CEP85L: variants seen among roughly 807,000 people sequenced by gnomAD.
CEP85L encodes centrosomal protein 85L.
Under a neutral mutation model 100.3 loss-of-function variants are expected in CEP85L, and 60 were observed. The observed-to-expected ratio is 0.60, with a 90% CI of 0.49 to 0.74. The LOEUF (loss-of-function observed/expected upper bound fraction) is 0.74. CEP85L is among the 30% of genes least tolerant of loss of function. The pLI is 0.00. For missense variants in CEP85L, 973 were observed against 936.2 expected (o/e 1.04, Z -0.51); for synonymous variants, 319 against 322.7 (o/e 0.99, Z 0.12).
chr6:118,462,047 T>C lies in CEP85L; in HGVS notation c.*3358A>G, dbSNP rs1364157843. ...CATCCTCTAAGAAATTAATAATTCT[T>C]GCACTATGAAAGAATTACTTTATAA... On this transcript the variant is annotated 3_prime_UTR_variant, in exon 13 of 13. Coordinates refer to ENST00000368491, the MANE Select transcript of CEP85L (RefSeq NM_001042475.3). The C allele has an allele frequency of 6.6e-6, 1 of 152,038 alleles. No homozygotes were observed. The highest frequency in any genetic ancestry group is 1.5e-5 in the Non-Finnish European group (1 of 67,908). 9.4% of individuals were successfully genotyped at this position (152,038 alleles called of 1,614,324 possible).
At chr6:118,497,809 G>A (rs565468617) in intron 5 of CEP85L, among the ~76,000 whole-genome samples, 11 of 152,216 alleles carry the variant, frequency 7.2e-5, no homozygotes, top group Admixed American at 1.3e-4. Flanking sequence ...CAAGAGCATC[G>A]GAAAAGGAAT....
intron 2 of CEP85L, among the ~76,000 whole-genome samples, chr6:118,587,571 C>G (rs540574823): frequency 6.6e-6 from 1 of 152,176 alleles, no homozygotes; most frequent in African/African-American, 2.4e-5. Context: ...ACCAACTTGA[C>G]TATAATGTAA....
At chr6:118,556,136 A>G (rs1407652603) in intron 3 of CEP85L, among the ~76,000 whole-genome samples, 1 of 152,184 alleles carries the variant, frequency 6.6e-6, no homozygotes, top group Non-Finnish European at 1.5e-5. Flanking sequence ...TTTACGGCAG[A>G]AAGATTTACA....
At chr6:118,480,793 C>T (rs1335029635) in intron 8 of CEP85L, among the ~76,000 whole-genome samples, 1 of 152,018 alleles carries the variant, frequency 6.6e-6, no homozygotes, top group Non-Finnish European at 1.5e-5. Context: ...CGATGAAGTC[C>T]TTCATTACCC....
chr6:118,479,817 T>C, intron 10 of CEP85L, 54 bp downstream of exon 10: 1 of 853,980 alleles, frequency 1.2e-6, no homozygotes, highest in Middle Eastern at 2.2e-4. Flanking sequence ...TAAATAAGCA[T>C]TAAGAGTATA....
intron 1 of CEP85L, among the ~76,000 whole-genome samples, chr6:118,638,181 GC>G (rs1774631992): frequency 1.3e-5 from 2 of 151,148 alleles, no homozygotes. Flanking sequence ...TTCGAGACCA[GC>G]CTGGGCAACA....
In CEP85L at chr6:118,635,581, AT is replaced by A. The variant is rs564865731; in HGVS notation, c.74-2971del. On this transcript the variant is annotated intron_variant, in intron 1 of 12. Coordinates refer to ENST00000368491, the MANE Select transcript of CEP85L (RefSeq NM_001042475.3). Reference sequence around the variant, plus strand: ...ATACTGATTTGCAGATTACATCAACATTTGATTCTGAGATTAGAAACCAGCT... The same window carrying A: ...ATACTGATTTGCAGATTACATCAACATTGATTCTGAGATTAGAAACCAGCT... Among the ~76,000 whole-genome samples the A allele has an allele frequency of 2.8e-3, 428 of 152,358 alleles. 1 individual carries two copies. The highest frequency in any genetic ancestry group is 4.2e-3 in the Non-Finnish European group (284 of 68,030).
At chr6:118,694,847 C>A (rs1321847781) in intron 1 of CEP85L, among the ~76,000 whole-genome samples, 1 of 152,184 alleles carries the variant, frequency 6.6e-6, no homozygotes, top group Admixed American at 6.5e-5. Context: ...ATTTCACCAG[C>A]CATCCCATGT....
chr6:118,642,733 G>C (rs1353533051), intron 1 of CEP85L, among the ~76,000 whole-genome samples: 2 of 151,990 alleles, frequency 1.3e-5, no homozygotes, highest in Non-Finnish European at 1.5e-5. Flanking sequence ...GGCCAACACG[G>C]TGAAACCCTG....
chr6:118,535,720 G>C (rs1287727404), intron 3 of CEP85L, among the ~76,000 whole-genome samples: 1 of 152,088 alleles, frequency 6.6e-6, no homozygotes, highest in Non-Finnish European at 1.5e-5. Flanking sequence ...CCAACTCTCA[G>C]TATCGCAGTA....
chr6:118,592,661 G>C (rs980735160), intron 2 of CEP85L, among the ~76,000 whole-genome samples: 1 of 151,920 alleles, frequency 6.6e-6, no homozygotes, highest in African/African-American at 2.4e-5. Flanking sequence ...TATATAAAAT[G>C]GGTTTATAAT....
chr6:118,695,239 T>C (rs903687077), intron 1 of CEP85L, among the ~76,000 whole-genome samples: 3 of 152,260 alleles, frequency 2.0e-5, no homozygotes, highest in Non-Finnish European at 4.4e-5. Flanking sequence ...ATGCATCTTC[T>C]TTTTGAGGTA....
intron 4 of CEP85L, among the ~76,000 whole-genome samples, chr6:118,518,283 T>G (rs1014148854): frequency 2.0e-5 from 3 of 152,232 alleles, no homozygotes; most frequent in African/African-American, 7.2e-5. Flanking sequence ...TTCTACTGTT[T>G]GAAATAGTTT....
chr6:118,501,727 C>T (rs1320966188), intron 5 of CEP85L: 1 of 762,862 alleles, frequency 1.3e-6, no homozygotes, highest in East Asian at 2.8e-5. Context: ...AGACCACAGA[C>T]TTCATGGCTA....
rs1773017130 is a variant in CEP85L, at chr6:118,472,261, A to G, written c.1915-1617T>C. ...GTAAGACTGATTTTAATCAGTGCAG[A>G]AACAGGCAATCTTCTCCATCAGAAA... On this transcript the variant is annotated intron_variant, in intron 10 of 12. Coordinates refer to ENST00000368491, the MANE Select transcript of CEP85L (RefSeq NM_001042475.3). Among the ~76,000 whole-genome samples the G allele has an allele frequency of 2.6e-5, 4 of 152,282 alleles. No homozygotes were observed. In the South Asian group the frequency reaches 8.3e-4, roughly 32 times the overall value.
intron 3 of CEP85L, chr6:118,559,324 T>C (rs1197501649): frequency 2.1e-6 from 1 of 486,346 alleles, no homozygotes; most frequent in Non-Finnish European, 3.9e-6. Context: ...AAAATGCAAC[T>C]GTTGATTTCC....
chr6:118,472,869 G>A (rs920360972), intron 10 of CEP85L, among the ~76,000 whole-genome samples: 2 of 152,080 alleles, frequency 1.3e-5, no homozygotes, highest in Non-Finnish European at 2.9e-5. Context: ...AACCTACAAG[G>A]TCTTTATAAT....
At chr6:118,483,946 A>C (rs1773984172) in intron 6 of CEP85L, 88 bp from the exon 7 acceptor site, 1 of 1,177,690 alleles carries the variant, frequency 8.5e-7, no homozygotes, top group Non-Finnish European at 1.2e-6. Context: ...ACACCATTGA[A>C]TTCACCAACA....
Position 118,570,957 on chromosome 6 carries a change from A to T in CEP85L, c.233-4641T>A, listed in dbSNP as rs35029749. 2.0e-5 allele frequency among the ~76,000 whole-genome samples: 3 copies of T among 151,870 alleles called. No homozygotes were observed. In the South Asian group the frequency reaches 6.2e-4, roughly 31 times the overall value. The stretch of plus-strand genomic sequence containing the variant: ...ACACAACATATGAATAAATGAAAAA[A>T]GAATTATTTGAAAGAATTAAATATT... On this transcript the variant is annotated intron_variant, in intron 2 of 12. Transcript: ENST00000368491.
Sources: gnomAD v4.1 joint callset for allele counts (sites outside exome capture counted in the v4.1 genomes callset) on GRCh38, gnomAD v4.1.1 for gene constraint, MANE v1.5 for transcripts, NCBI Gene and HGNC (gene_info 2026-07-23, HGNC 2026-07-21) for gene names.